TMEM132D: variants seen among roughly 807,000 people sequenced by gnomAD.
TMEM132D encodes the protein transmembrane protein 132D.
In TMEM132D, 21 loss-of-function variants were observed where a neutral mutation model predicts 62.3. That is an observed-to-expected ratio of 0.34 (90% CI 0.24 to 0.49). The LOEUF (loss-of-function observed/expected upper bound fraction) is 0.49. Ranked by LOEUF, TMEM132D falls within the 20% of genes least tolerant of loss-of-function variation. TMEM132D has a pLI of 0.99. For missense variants in TMEM132D, 1,346 were observed against 1,402.8 expected (o/e 0.96, Z 0.65); for synonymous variants, 621 against 575.6 (o/e 1.08, Z -1.13).
intron 4 of TMEM132D, among the ~76,000 whole-genome samples, chr12:129,280,825 A>AAT (rs1881123478): frequency 6.6e-6 from 1 of 151,932 alleles, no homozygotes; most frequent in Non-Finnish European, 1.5e-5. Flanking sequence ...TCATATATAT[A>AAT]ATATATATAC....
chr12:129,295,043 A>C (rs1210883564), intron 4 of TMEM132D, among the ~76,000 whole-genome samples: 1 of 152,210 alleles, frequency 6.6e-6, no homozygotes, highest in Non-Finnish European at 1.5e-5. Context: ...ATTGCCCTCC[A>C]TAATGTGGGT....
chr12:129,128,008 A>T (rs1022454385), intron 5 of TMEM132D, among the ~76,000 whole-genome samples: 1 of 152,192 alleles, frequency 6.6e-6, no homozygotes, highest in Non-Finnish European at 1.5e-5. Flanking sequence ...TTACCCAGGC[A>T]TGAAGAGTTT....
chr12:129,270,822 C>G (rs1262674150), intron 4 of TMEM132D, among the ~76,000 whole-genome samples: 3 of 152,198 alleles, frequency 2.0e-5, no homozygotes, highest in Admixed American at 2.0e-4. Context: ...CAATTTGGTA[C>G]ATGTCAAAAT....
At chr12:129,605,955 G>C (rs1322541534) in intron 2 of TMEM132D, among the ~76,000 whole-genome samples, 2 of 152,084 alleles carry the variant, frequency 1.3e-5, no homozygotes, top group Non-Finnish European at 2.9e-5. Context: ...CTGCTGTACT[G>C]TGGCCTCCAG....
chr12:129,534,583 A>G (rs1187148123), intron 2 of TMEM132D, among the ~76,000 whole-genome samples: 1 of 152,032 alleles, frequency 6.6e-6, no homozygotes, highest in East Asian at 1.9e-4. Flanking sequence ...CCCATACCCA[A>G]TCTCTTTCCT....
At chr12:129,336,249 T>C (rs541573084) in intron 4 of TMEM132D, among the ~76,000 whole-genome samples, 50 of 152,244 alleles carry the variant, frequency 3.3e-4, no homozygotes, top group African/African-American at 1.1e-3. Context: ...TCCACTGAGA[T>C]TTTTGTTTCT....
intron 1 of TMEM132D, among the ~76,000 whole-genome samples, chr12:129,848,102 G>A (rs1873420875): frequency 1.3e-5 from 2 of 152,204 alleles, no homozygotes; most frequent in South Asian, 2.1e-4. Flanking sequence ...ATAAGTGAGA[G>A]TTGACTCCCC....
chr12:129,141,713 G>T (rs977025436), intron 5 of TMEM132D, among the ~76,000 whole-genome samples: 1 of 152,070 alleles, frequency 6.6e-6, no homozygotes, highest in Admixed American at 6.5e-5. Context: ...GCTAAGCATT[G>T]GGTACACACA....
At chr12:129,685,179 T>C (rs1407150511) in intron 2 of TMEM132D, among the ~76,000 whole-genome samples, 1 of 152,190 alleles carries the variant, frequency 6.6e-6, no homozygotes, top group African/African-American at 2.4e-5. Flanking sequence ...GGGAGCCAAA[T>C]GTTAATCACC....
At chr12:129,159,758 CAAAAAAA>C (rs1188064357) in intron 5 of TMEM132D, among the ~76,000 whole-genome samples, 2 of 27,394 alleles carry the variant, frequency 7.3e-5, no homozygotes, top group Admixed American at 7.3e-4. Context: ...GACTCGGGCT[CAAAAAAA>C]AAAAAAAAAA....
At chr12:129,482,265 T>C (rs1175552118) in intron 3 of TMEM132D, among the ~76,000 whole-genome samples, 1 of 152,252 alleles carries the variant, frequency 6.6e-6, no homozygotes, top group Non-Finnish European at 1.5e-5. Flanking sequence ...GTAACCAGAA[T>C]GTCCCTCGGT....
intron 2 of TMEM132D, among the ~76,000 whole-genome samples, chr12:129,574,426 C>T (rs560697448): frequency 6.6e-6 from 1 of 151,846 alleles, no homozygotes; most frequent in South Asian, 2.1e-4. Context: ...CCCTAAAAGT[C>T]AAAAAACAAT....
chr12:129,304,662 CTTTTTTTT>C (rs35812965), intron 4 of TMEM132D, among the ~76,000 whole-genome samples: 5 of 93,606 alleles, frequency 5.3e-5, no homozygotes, highest in Non-Finnish European at 1.0e-4. Context: ...ATACTTGGAT[CTTTTTTTT>C]TTTTTTTTTT....
At chr12:129,334,570 A>G (rs74948574) in intron 4 of TMEM132D, among the ~76,000 whole-genome samples, 4,219 of 152,170 alleles carry the variant, frequency 0.028, 209 homozygotes, top group African/African-American at 0.096. Context: ...AAAGGAAGCC[A>G]CTCAGAGCCC....
At chr12:129,777,913 C>A (rs1870993354) in intron 1 of TMEM132D, among the ~76,000 whole-genome samples, 1 of 152,016 alleles carries the variant, frequency 6.6e-6, no homozygotes, top group Non-Finnish European at 1.5e-5. Flanking sequence ...GTGGGAGGAT[C>A]ACTTGAGCCC....
intron 3 of TMEM132D, among the ~76,000 whole-genome samples, chr12:129,341,163 T>C (rs535403047): frequency 2.6e-5 from 4 of 152,342 alleles, no homozygotes; most frequent in Admixed American, 6.5e-5. Flanking sequence ...CATGTTTCAC[T>C]CTAAAGACAA....
chr12:129,240,703 G>A (rs1456179689), intron 4 of TMEM132D, among the ~76,000 whole-genome samples: 1 of 152,146 alleles, frequency 6.6e-6, no homozygotes, highest in African/African-American at 2.4e-5. Flanking sequence ...AGGTTGAGGC[G>A]CTGGAACGTG....
intron 5 of TMEM132D, among the ~76,000 whole-genome samples, chr12:129,148,556 C>G (rs1876978042): frequency 6.6e-6 from 1 of 152,146 alleles, no homozygotes; most frequent in African/African-American, 2.4e-5. Flanking sequence ...CCTAAGCTCC[C>G]CCTGCAAAGG....
intron 5 of TMEM132D, among the ~76,000 whole-genome samples, chr12:129,100,786 T>C (rs571483654): frequency 6.6e-6 from 1 of 152,320 alleles, no homozygotes; most frequent in Admixed American, 6.5e-5. Flanking sequence ...CATCTAAGAC[T>C]CCCTTGGCCA....
Sources: gnomAD v4.1 joint callset for allele counts (sites outside exome capture counted in the v4.1 genomes callset) on GRCh38, gnomAD v4.1.1 for gene constraint, MANE v1.5 for transcripts, NCBI Gene and HGNC (gene_info 2026-07-23, HGNC 2026-07-21) for gene names.